LRRC9: variants seen among roughly 807,000 people sequenced by gnomAD.
LRRC9 encodes leucine rich repeat containing 9.
In LRRC9, 122 loss-of-function variants were observed where a neutral mutation model predicts 63.2. The observed-to-expected ratio is 1.93, with a 90% CI of 1.67 to 2.24. The LOEUF is 2.24. Among genes scored for constraint, LRRC9 ranks in the 30% most tolerant of loss-of-function variants. LRRC9 has a pLI of 0.00. For synonymous variants in LRRC9, 366 were observed against 213.1 expected (o/e 1.72, Z -6.25); for missense variants, 1,071 against 627.7 (o/e 1.71, Z -7.55).
At chr14:59,984,563 A>G (rs1395275792) in intron 16 of LRRC9, among the ~76,000 whole-genome samples, 1 of 152,208 alleles carries the variant, frequency 6.6e-6, no homozygotes, top group Non-Finnish European at 1.5e-5. Flanking sequence ...GAAATGGACA[A>G]GAAAAGTCTG....
At chr14:59,997,703 T>C (rs1284867122) in exon 18 of LRRC9, 2 of 702,512 alleles carry the variant, frequency 2.8e-6, no homozygotes, top group East Asian at 2.7e-5. Context: ...TGATAACCCT[T>C]GAGGGATTTA....
intron 8 of LRRC9, among the ~76,000 whole-genome samples, chr14:59,947,224 T>C (rs910276655): frequency 1.3e-5 from 2 of 150,758 alleles, no homozygotes; most frequent in African/African-American, 4.9e-5. Context: ...TGATATCTCA[T>C]AGTGGTTTTG....
intron 10 of LRRC9, among the ~76,000 whole-genome samples, chr14:59,965,800 G>C (rs1884778727): frequency 6.9e-6 from 1 of 145,314 alleles, no homozygotes; most frequent in Admixed American, 7.2e-5. Context: ...GGAGAATGGC[G>C]TGAACCCGGG....
intron 26 of LRRC9, among the ~76,000 whole-genome samples, chr14:60,020,959 A>G (rs934048265): frequency 3.9e-5 from 6 of 151,962 alleles, no homozygotes; most frequent in African/African-American, 1.4e-4. Context: ...TTGTGTACAA[A>G]TATTTGCATG....
intron 29 of LRRC9, among the ~76,000 whole-genome samples, chr14:60,041,416 C>T (rs1007661063): frequency 1.1e-4 from 16 of 152,206 alleles, no homozygotes; most frequent in African/African-American, 3.9e-4. Flanking sequence ...TAGATATGGT[C>T]TTTTCACATA....
chr14:60,010,413 C>G (rs943476682), intron 23 of LRRC9, among the ~76,000 whole-genome samples: 1 of 151,952 alleles, frequency 6.6e-6, no homozygotes, highest in Admixed American at 6.6e-5. Flanking sequence ...CACAGGGTAC[C>G]AAGTCCCTAG....
At position 59,932,522 on chromosome 14, in the gene LRRC9, C is replaced by T. The variant is rs1054282537; in HGVS notation, c.543+483C>T. Among the ~76,000 whole-genome samples, 3 of 152,104 alleles carry T rather than the reference C, an allele frequency of 2.0e-5. No individual in the cohort carries two copies. The highest frequency in any genetic ancestry group is 2.9e-5 in the Non-Finnish European group (2 of 67,990). On this transcript the variant is annotated intron_variant, in intron 6 of 31. Transcript: ENST00000445360. The surrounding 1 kb of genome is among the most constrained non-coding windows in gnomAD (Gnocchi z 4.7). ...TTAATGCAAACTAATTTTTCCTCTA[C>T]CAGGCCTTCTCCTGCAGTCTTCCTC...
intron 23 of LRRC9, among the ~76,000 whole-genome samples, chr14:60,013,974 T>C (rs776447536): frequency 3.3e-5 from 5 of 152,244 alleles, no homozygotes; most frequent in Non-Finnish European, 5.9e-5. Flanking sequence ...GTTTCCTTTG[T>C]TTATCTTTCT....
chr14:59,944,619 A>C (rs1238701206), exon 8 of LRRC9: 2 of 638,726 alleles, frequency 3.1e-6, no homozygotes, highest in African/African-American at 3.7e-5. Flanking sequence ...AATGTATTAT[A>C]ATATGCGTAT....
intron 28 of LRRC9, among the ~76,000 whole-genome samples, chr14:60,028,646 T>C (rs1046289536): frequency 2.0e-5 from 3 of 152,150 alleles, no homozygotes; most frequent in African/African-American, 7.2e-5. Context: ...TCTCCTGAGA[T>C]AGCATACAGA....
intron 23 of LRRC9, among the ~76,000 whole-genome samples, chr14:60,009,969 A>G (rs529834947): frequency 1.3e-5 from 2 of 151,950 alleles, no homozygotes; most frequent in African/African-American, 4.8e-5. Flanking sequence ...AGGCAGCTCC[A>G]CTCCTGTGGC....
chr14:59,955,908 T>C (rs1310766052), intron 8 of LRRC9, among the ~76,000 whole-genome samples: 2 of 152,218 alleles, frequency 1.3e-5, no homozygotes, highest in Non-Finnish European at 2.9e-5. Flanking sequence ...CCCAGTATTA[T>C]TCAGGAGCAG....
chr14:59,958,039 G>T lies in LRRC9; in HGVS notation c.883-1779G>T, dbSNP rs1193215669. ...GAGCACTGGCCTGATGCCAACCAGA[G>T]CTCTCCTGTATGAGGTGTCTGTCGA... On this transcript the variant is annotated intron_variant, in intron 8 of 31. Coordinates refer to ENST00000445360, the Ensembl canonical transcript of LRRC9. This position sits in a 1 kb window ranked among gnomAD's most constrained non-coding sequence, Gnocchi z 4.0. Among the ~76,000 whole-genome samples, 1 of 152,208 alleles carries T rather than the reference G, an allele frequency of 6.6e-6. No individual in the cohort carries two copies. The highest frequency in any genetic ancestry group is 1.5e-5 in the Non-Finnish European group (1 of 68,028).
chr14:59,971,891 C>A (rs1885545368), intron 12 of LRRC9, among the ~76,000 whole-genome samples: 1 of 152,050 alleles, frequency 6.6e-6, no homozygotes, highest in Non-Finnish European at 1.5e-5. Flanking sequence ...TCTAGTTCTT[C>A]CATTTTTCAC....
Position 59,942,880 on chromosome 14 carries a change from A to C in LRRC9, c.727-1709A>C, listed in dbSNP as rs950054368. Among the ~76,000 whole-genome samples the C allele has an allele frequency of 6.6e-6, 1 of 151,236 alleles. No homozygotes were observed. Among genetic ancestry groups the C allele is most frequent in the Non-Finnish European group, 1.5e-5 (1 of 67,860 alleles). ...TGATGGTTAGTTAGTGATGTTGAGC[A>C]TTTTTTCATATACCTATTGGCCATT... On this transcript the variant is annotated intron_variant, in intron 7 of 31. Coordinates refer to ENST00000445360, the Ensembl canonical transcript of LRRC9. This position sits in a 1 kb window ranked among gnomAD's most constrained non-coding sequence, Gnocchi z 5.3.
At chr14:59,931,899 C>T (rs1889734199) in intron 5 of LRRC9, 70 bp from the exon 6 acceptor site, 1 of 673,668 alleles carries the variant, frequency 1.5e-6, no homozygotes, top group Non-Finnish European at 2.7e-6. Flanking sequence ...TGGCTACATA[C>T]AACTCAGAAG....
At chr14:59,945,555 TGAAA>T (rs1489364627) in intron 8 of LRRC9, among the ~76,000 whole-genome samples, 1 of 151,972 alleles carries the variant, frequency 6.6e-6, no homozygotes, top group Non-Finnish European at 1.5e-5. Flanking sequence ...GCCTGCTAAA[TGAAA>T]GAAATACTAG....
chr14:59,967,068 A>G, intron 11 of LRRC9, 28 bp from the exon 12 acceptor site: 1 of 598,726 alleles, frequency 1.7e-6, no homozygotes, highest in Non-Finnish European at 3.1e-6. Context: ...TCAATCCTCA[A>G]ACTTTTTCTG....
intron 12 of LRRC9, 45 bp from the exon 13 acceptor site, chr14:59,974,531 T>C (rs568145799): frequency 7.2e-6 from 4 of 558,100 alleles, no homozygotes; most frequent in Middle Eastern, 2.8e-4. Context: ...AGTTGAAGTA[T>C]TGTCAATTTT....
Sources: allele counts gnomAD v4.1 joint callset (sites outside exome capture counted in the v4.1 genomes callset), GRCh38; gene constraint gnomAD v4.1.1; non-coding constraint Gnocchi (gnomAD v3.1); transcripts MANE v1.5; gene names NCBI Gene and HGNC (gene_info 2026-07-23, HGNC 2026-07-21).